Variants in ZNG1E observed in about 807,000 individuals in gnomAD.
ZNG1E encodes Zn regulated GTPase metalloprotein activator 1E, also known as zinc-regulated GTPase metalloprotein activator 1E.
the ZNG1E span, among the ~76,000 whole-genome samples, chr9:65,694,175 A>C: frequency 1.3e-5 from 2 of 151,060 alleles, no homozygotes; most frequent in Admixed American, 1.3e-4. Flanking sequence ...TGGAGGTAGC[A>C]AAAAAGCCCC....
At chr9:65,672,453 A>AAG in the ZNG1E span, among the ~76,000 whole-genome samples, 1 of 151,694 alleles carries the variant, frequency 6.6e-6, no homozygotes, top group African/African-American at 2.4e-5. Flanking sequence ...ATAAGTTAAA[A>AAG]AAAAAAAAAA....
the ZNG1E span, among the ~76,000 whole-genome samples, chr9:65,679,802 C>T: frequency 1.3e-5 from 2 of 152,316 alleles, no homozygotes; most frequent in East Asian, 1.9e-4. Context: ...ATCCACCCGC[C>T]TCGGCCTCCC....
chr9:65,664,247 G>A, the ZNG1E span, among the ~76,000 whole-genome samples: 1 of 151,646 alleles, frequency 6.6e-6, no homozygotes, highest in Non-Finnish European at 1.5e-5. Context: ...ATCTAAACGG[G>A]ATTTTTTTTG....
the ZNG1E span, among the ~76,000 whole-genome samples, chr9:65,681,036 C>T: frequency 2.6e-5 from 4 of 152,058 alleles, no homozygotes; most frequent in African/African-American, 7.2e-5. Flanking sequence ...GATCCGCCCG[C>T]CTTGGCCTCC....
chr9:65,671,599 C>A, the ZNG1E span, among the ~76,000 whole-genome samples: 1 of 152,244 alleles, frequency 6.6e-6, no homozygotes, highest in Admixed American at 6.5e-5. Flanking sequence ...GGATTACAGG[C>A]ATGAGCCACT....
chr9:65,676,900 T>C, the ZNG1E span, among the ~76,000 whole-genome samples: 1 of 146,518 alleles, frequency 6.8e-6, no homozygotes, highest in Admixed American at 6.9e-5. Context: ...GTATTAGAAG[T>C]TTGGAAAAAG....
chr9:65,680,247 AAG>A, the ZNG1E span, among the ~76,000 whole-genome samples: 2 of 152,340 alleles, frequency 1.3e-5, no homozygotes, highest in African/African-American at 4.8e-5. Context: ...TAAAAAGTAA[AAG>A]AGCTAGGTTT....
chr9:65,660,832 T>G, the ZNG1E span, among the ~76,000 whole-genome samples: 540 of 6,754 alleles, frequency 0.08, 1 homozygote, highest in African/African-American at 0.11. Context: ...TATACAGATA[T>G]ATATATATAT....
chr9:65,714,499 C>T, the ZNG1E span, among the ~76,000 whole-genome samples: 1 of 151,298 alleles, frequency 6.6e-6, no homozygotes, highest in Non-Finnish European at 1.5e-5. Context: ...CTGTTTTTTC[C>T]CCATCTTTGC....
At chr9:65,690,997 C>G in the ZNG1E span, 8 of 1,603,530 alleles carry the variant, frequency 5.0e-6, no homozygotes, top group Non-Finnish European at 6.8e-6. Context: ...TGGGTTGATG[C>G]TGAATTAGGG....
chr9:65,675,069 G>T, the ZNG1E span, among the ~76,000 whole-genome samples: 1 of 149,968 alleles, frequency 6.7e-6, no homozygotes, highest in Non-Finnish European at 1.5e-5. Flanking sequence ...ACATACGTGG[G>T]ATATGTGATA....
the ZNG1E span, among the ~76,000 whole-genome samples, chr9:65,660,826 C>T: frequency 3.9e-5 from 3 of 76,642 alleles, no homozygotes; most frequent in Admixed American, 1.5e-4. Context: ...TGTGGTTATA[C>T]AGATATATAT....
chr9:65,720,065 G>T, the ZNG1E span: 3 of 1,595,516 alleles, frequency 1.9e-6, no homozygotes, highest in Non-Finnish European at 2.6e-6. Context: ...TTCAGCATGT[G>T]CCAGGAACAC....
chr9:65,658,098 T>TC, the ZNG1E span, among the ~76,000 whole-genome samples: 1 of 53,198 alleles, frequency 1.9e-5, no homozygotes, highest in Admixed American at 2.1e-4. Context: ...AAACTCCGTC[T>TC]CAAAAAAAAA....
the ZNG1E span, among the ~76,000 whole-genome samples, chr9:65,701,784 TC>T: frequency 1.4e-5 from 2 of 144,272 alleles, no homozygotes; most frequent in Non-Finnish European, 3.0e-5. Context: ...TTGACACTGG[TC>T]TTCTAATCTT....
the ZNG1E span, among the ~76,000 whole-genome samples, chr9:65,697,185 T>TACCTGCTTG: frequency 1.0e-4 from 5 of 49,226 alleles, 1 homozygote; most frequent in Non-Finnish European, 2.3e-4. Flanking sequence ...ATAAAATTAT[T>TACCTGCTTG]ACCTGCTTGC....
chr9:65,659,736 C>T, the ZNG1E span, among the ~76,000 whole-genome samples: 1 of 152,192 alleles, frequency 6.6e-6, no homozygotes, highest in Non-Finnish European at 1.5e-5. Context: ...CTCATTCTGA[C>T]AGCTGAAGTG....
chr9:65,663,957 G>A, the ZNG1E span, among the ~76,000 whole-genome samples: 3 of 152,280 alleles, frequency 2.0e-5, no homozygotes, highest in Admixed American at 6.5e-5. Flanking sequence ...ACATATATCA[G>A]CATACATATA....
chr9:65,685,266 G>A, the ZNG1E span, among the ~76,000 whole-genome samples: 2 of 152,274 alleles, frequency 1.3e-5, no homozygotes, highest in African/African-American at 2.4e-5. Flanking sequence ...AGTAGTTACT[G>A]AAGGTTGGGG....
Sources: allele counts gnomAD v4.1 joint callset (sites outside exome capture counted in the v4.1 genomes callset), GRCh38; gene constraint gnomAD v4.1.1; transcripts MANE v1.5; gene names NCBI Gene and HGNC (gene_info 2026-07-23, HGNC 2026-07-21).